KAT6B: variants seen among roughly 807,000 people sequenced by gnomAD.
KAT6B encodes the protein lysine acetyltransferase 6B.
In KAT6B, 10 loss-of-function variants were observed where a neutral mutation model predicts 187.5. The ratio of observed to expected loss-of-function variants is 0.05; its 90% CI spans 0.03 to 0.09. The LOEUF (loss-of-function observed/expected upper bound fraction) is 0.09. KAT6B is among the 10% of genes least tolerant of loss of function. The pLI is 1.00. For synonymous variants in KAT6B, 861 were observed against 926.8 expected (o/e 0.93, Z 1.29); for missense variants, 1,952 against 2,558.9 (o/e 0.76, Z 5.12).
intron 3 of KAT6B, among the ~76,000 whole-genome samples, chr10:74,920,682 A>G (rs188372564): frequency 8.8e-4 from 134 of 152,278 alleles, no homozygotes; most frequent in African/African-American, 2.6e-3. Flanking sequence ...TAATACAATG[A>G]TAGGTGGATA....
chr10:74,948,487 A>G (rs1477050993), intron 3 of KAT6B, among the ~76,000 whole-genome samples: 1 of 152,180 alleles, frequency 6.6e-6, no homozygotes, highest in African/African-American at 2.4e-5. Context: ...TCCTCATTCT[A>G]CTTTCCTGTT....
chr10:74,861,569 A>G (rs888469502), intron 3 of KAT6B, among the ~76,000 whole-genome samples: 1 of 152,198 alleles, frequency 6.6e-6, no homozygotes, highest in Non-Finnish European at 1.5e-5. Context: ...TTACCTAGCT[A>G]TTAATGTGGT....
Position 74,841,997 on chromosome 10 carries a change from A to G in KAT6B, c.-258-603A>G, listed in dbSNP as rs191990480. The stretch of plus-strand genomic sequence containing the variant: ...GGTATTAAGATAACTAGAATGCTCT[A>G]CTACTTAAAGGTGAAGGGTTATGTT... On this transcript the variant is annotated intron_variant, in intron 2 of 17. Coordinates refer to ENST00000287239, the MANE Select transcript of KAT6B (RefSeq NM_012330.4). 1.3e-3 allele frequency among the ~76,000 whole-genome samples: 198 copies of G among 152,374 alleles called. 1 individual carries two copies. The highest frequency in any genetic ancestry group is 4.5e-3 in the African/African-American group (188 of 41,594).
intron 3 of KAT6B, among the ~76,000 whole-genome samples, chr10:74,911,077 A>C (rs555905090): frequency 2.6e-5 from 4 of 152,108 alleles, no homozygotes; most frequent in Non-Finnish European, 4.4e-5. Flanking sequence ...TTTGATTTCT[A>C]TGGGTAGTCC....
At chr10:75,020,515 A>G in intron 13 of KAT6B, 67 bp from the exon 14 acceptor site, 1 of 1,081,932 alleles carries the variant, frequency 9.2e-7, no homozygotes, top group Admixed American at 1.7e-5. Flanking sequence ...TATTATTTCT[A>G]GTGGCTCCTG....
chr10:74,959,207 T>C (rs1259967742), intron 3 of KAT6B, among the ~76,000 whole-genome samples: 1 of 152,216 alleles, frequency 6.6e-6, no homozygotes. Flanking sequence ...CTCATTCTAT[T>C]ATTCTGTCAC....
At chr10:74,921,738 T>C (rs1203652430) in intron 3 of KAT6B, among the ~76,000 whole-genome samples, 1 of 152,230 alleles carries the variant, frequency 6.6e-6, no homozygotes, top group African/African-American at 2.4e-5. Flanking sequence ...TTTTGGCAAT[T>C]TTCTAGTGGC....
chr10:74,872,452 C>T (rs10762646), intron 3 of KAT6B, among the ~76,000 whole-genome samples: 46,477 of 152,034 alleles, frequency 0.31, 12,556 homozygotes, highest in African/African-American at 0.71. Flanking sequence ...CTCGGCTCAG[C>T]GCAACCTCTG....
At chr10:74,986,122 C>T (rs946527890) in intron 12 of KAT6B, among the ~76,000 whole-genome samples, 3 of 152,102 alleles carry the variant, frequency 2.0e-5, no homozygotes, top group Admixed American at 1.3e-4. Flanking sequence ...GGAAAACAAT[C>T]GACATATTGA....
chr10:74,964,850 A>C (rs185771608), intron 4 of KAT6B, among the ~76,000 whole-genome samples: 16 of 152,304 alleles, frequency 1.1e-4, no homozygotes, highest in African/African-American at 3.9e-4. Flanking sequence ...CTTTCACACC[A>C]AGGAATCACC....
At chr10:74,908,193 C>A (rs1285310811) in intron 3 of KAT6B, among the ~76,000 whole-genome samples, 1 of 152,226 alleles carries the variant, frequency 6.6e-6, no homozygotes, top group Non-Finnish European at 1.5e-5. Flanking sequence ...TCTGCAGATT[C>A]TTCCCCACCA....
intron 2 of KAT6B, among the ~76,000 whole-genome samples, chr10:74,841,414 AC>A (rs1201788614): frequency 1.3e-5 from 2 of 152,158 alleles, no homozygotes; most frequent in Non-Finnish European, 2.9e-5. Context: ...AAAAATACAA[AC>A]ATTAGCTGGG....
chr10:74,870,143 A>G (rs1843812100), intron 3 of KAT6B, among the ~76,000 whole-genome samples: 1 of 152,100 alleles, frequency 6.6e-6, no homozygotes, highest in Non-Finnish European at 1.5e-5. Flanking sequence ...GACAGGTGTG[A>G]TGGCATGCCC....
chr10:74,845,547 AAAAG>A (rs1275690736), intron 3 of KAT6B, among the ~76,000 whole-genome samples: 2 of 150,948 alleles, frequency 1.3e-5, no homozygotes, highest in African/African-American at 2.4e-5. Context: ...AACAAAAAAA[AAAAG>A]AAGGAAAGAA....
chr10:74,990,957 A>G (rs1056112133), intron 13 of KAT6B, among the ~76,000 whole-genome samples: 10 of 152,006 alleles, frequency 6.6e-5, no homozygotes, highest in African/African-American at 2.4e-4. Flanking sequence ...CTATACCTCT[A>G]TTTTTTTGTC....
chr10:74,830,764 A>ATGTATG (rs57770234), intron 1 of KAT6B, among the ~76,000 whole-genome samples: 1 of 26,948 alleles, frequency 3.7e-5, no homozygotes, highest in Non-Finnish European at 5.5e-5. Flanking sequence ...ATATATATAT[A>ATGTATG]TATATTTTTT....
At chr10:75,002,575 C>T (rs1843920449) in intron 13 of KAT6B, among the ~76,000 whole-genome samples, 1 of 152,188 alleles carries the variant, frequency 6.6e-6, no homozygotes, top group Admixed American at 6.5e-5. Context: ...CTATAGGTTA[C>T]TACACACCTA....
intron 3 of KAT6B, among the ~76,000 whole-genome samples, chr10:74,871,105 C>T (rs899730504): frequency 2.0e-5 from 3 of 150,214 alleles, no homozygotes; most frequent in Admixed American, 2.0e-4. Flanking sequence ...TGGTCTCAAA[C>T]TCCTGACCTC....
At chr10:74,832,349 G>A (rs1296126570) in intron 1 of KAT6B, among the ~76,000 whole-genome samples, 2 of 152,112 alleles carry the variant, frequency 1.3e-5, no homozygotes, top group African/African-American at 4.8e-5. Flanking sequence ...TCTCAGCCAG[G>A]TGCAGTGGCT....
Sources: gnomAD v4.1 joint callset for allele counts (sites outside exome capture counted in the v4.1 genomes callset) on GRCh38, gnomAD v4.1.1 for gene constraint, MANE v1.5 for transcripts, NCBI Gene and HGNC (gene_info 2026-07-23, HGNC 2026-07-21) for gene names.